ATP2B2: variants seen among roughly 807,000 people sequenced by gnomAD.
ATP2B2 encodes the protein ATPase plasma membrane Ca2+ transporting 2.
A neutral mutation model predicts 120.0 loss-of-function variants in ATP2B2; 15 were observed. That is an observed-to-expected ratio of 0.12 (90% CI 0.08 to 0.19). ATP2B2 has a LOEUF of 0.19. Among genes scored for constraint, ATP2B2 ranks in the 10% least tolerant of loss-of-function variants. The probability of loss-of-function intolerance (pLI) is 1.00; values close to 1 mark genes in which losing one functional copy is unlikely to be tolerated. For missense variants in ATP2B2, 1,045 were observed against 1,719.8 expected (o/e 0.61, Z 6.94); for synonymous variants, 694 against 700.3 (o/e 0.99, Z 0.14).
chr3:10,665,147 G>A (rs761662250), intron 1 of ATP2B2, among the ~76,000 whole-genome samples: 2 of 152,142 alleles, frequency 1.3e-5, no homozygotes, highest in Non-Finnish European at 2.9e-5. Context: ...ACCCTGCTCT[G>A]AGCCCCCTGA....
At chr3:10,609,174 C>A (rs1280321298) in intron 2 of ATP2B2, among the ~76,000 whole-genome samples, 1 of 152,234 alleles carries the variant, frequency 6.6e-6, no homozygotes, top group Non-Finnish European at 1.5e-5. Flanking sequence ...CTCTACTGCA[C>A]CCACGTCCCT....
intron 2 of ATP2B2, among the ~76,000 whole-genome samples, chr3:10,593,197 A>G (rs1319480731): frequency 2.0e-5 from 3 of 152,252 alleles, no homozygotes; most frequent in African/African-American, 7.2e-5. Context: ...AGGGAAGGTC[A>G]CCTGAAAAAT....
In ATP2B2 at chr3:10,340,824, C is replaced by T; in HGVS notation, c.2918-120G>A. 1 of 986,244 alleles carries T rather than the reference C, an allele frequency of 1.0e-6. No individual in the cohort carries two copies. Among genetic ancestry groups the T allele is most frequent in the Non-Finnish European group, 1.6e-6 (1 of 637,536 alleles). 61.1% of individuals were successfully genotyped at this position (986,244 alleles called of 1,614,324 possible). A position where few individuals can be genotyped will look rare whatever the true frequency, so the allele number is the denominator to read the frequency against. Reference sequence around the variant, plus strand: ...GACGTGAATCCCCAAGACATCAAGGCATGCTTGGACAGTGGGGGGCCAGGG... The same window carrying T: ...GACGTGAATCCCCAAGACATCAAGGTATGCTTGGACAGTGGGGGGCCAGGG... On this transcript the variant is annotated intron_variant, in intron 19 of 22. Transcript: ENST00000360273. This position sits in a 1 kb window ranked among gnomAD's most constrained non-coding sequence, Gnocchi z 5.0.
chr3:10,680,719 G>T (rs2071362474), intron 1 of ATP2B2, among the ~76,000 whole-genome samples: 1 of 152,174 alleles, frequency 6.6e-6, no homozygotes. Flanking sequence ...CCTGAGCATA[G>T]CTCCCTGGGA....
At chr3:10,407,129 C>G (rs1411719278) in intron 3 of ATP2B2, among the ~76,000 whole-genome samples, 1 of 152,158 alleles carries the variant, frequency 6.6e-6, no homozygotes, top group Middle Eastern at 3.2e-3. Context: ...GGCCACAACT[C>G]TGGGTGAGTC....
At chr3:10,610,703 C>G (rs2069210363) in intron 2 of ATP2B2, among the ~76,000 whole-genome samples, 1 of 152,210 alleles carries the variant, frequency 6.6e-6, no homozygotes, top group African/African-American at 2.4e-5. Context: ...ATCCCTCTCC[C>G]CATCTCTTTT....
chr3:10,597,338 C>T (rs1470192127), intron 2 of ATP2B2, among the ~76,000 whole-genome samples: 1 of 151,512 alleles, frequency 6.6e-6, no homozygotes, highest in Non-Finnish European at 1.5e-5. Context: ...CAGGCACACA[C>T]ACAGGCACAG....
chr3:10,472,506 G>A (rs952411167), intron 1 of ATP2B2, among the ~76,000 whole-genome samples: 8 of 152,340 alleles, frequency 5.3e-5, no homozygotes, highest in Middle Eastern at 3.4e-3. Context: ...GGGGCTGTCC[G>A]CCCTCGGATT....
At chr3:10,386,355 G>T (rs1185318511) in intron 7 of ATP2B2, 125 bp downstream of exon 7, 1 of 1,077,242 alleles carries the variant, frequency 9.3e-7, no homozygotes, top group Non-Finnish European at 1.4e-6. Flanking sequence ...GGTCTGGGGG[G>T]TGGAGCCACC....
At chr3:10,681,426 C>G (rs1429453908) in intron 1 of ATP2B2, among the ~76,000 whole-genome samples, 1 of 152,188 alleles carries the variant, frequency 6.6e-6, no homozygotes, top group African/African-American at 2.4e-5. Flanking sequence ...TTGATCCTCA[C>G]AAGCTGGAAG....
chr3:10,560,266 A>G (rs982647672), intron 2 of ATP2B2, among the ~76,000 whole-genome samples: 3 of 152,176 alleles, frequency 2.0e-5, no homozygotes, highest in Non-Finnish European at 4.4e-5. Context: ...AGAGCTCCAC[A>G]GTAGGAATGT....
At chr3:10,422,310 C>T (rs900499189) in intron 2 of ATP2B2, among the ~76,000 whole-genome samples, 3 of 152,182 alleles carry the variant, frequency 2.0e-5, no homozygotes, top group South Asian at 2.1e-4. Context: ...GCTTGTGTTG[C>T]GGGCATCTGC....
intron 1 of ATP2B2, among the ~76,000 whole-genome samples, chr3:10,472,665 A>G (rs2065061276): frequency 6.6e-6 from 1 of 152,212 alleles, no homozygotes; most frequent in Non-Finnish European, 1.5e-5. Context: ...TTCTCCCAGA[A>G]TTAATTCTCT....
intron 2 of ATP2B2, among the ~76,000 whole-genome samples, chr3:10,572,483 T>A (rs890307068): frequency 1.3e-5 from 2 of 152,262 alleles, no homozygotes; most frequent in Non-Finnish European, 1.5e-5. Flanking sequence ...ACCACACACT[T>A]ATAAATGGCT....
At chr3:10,486,354 T>TGTG (rs2065668116) in intron 1 of ATP2B2, among the ~76,000 whole-genome samples, 1 of 151,874 alleles carries the variant, frequency 6.6e-6, no homozygotes, top group Non-Finnish European at 1.5e-5. Context: ...TGTGTGTGTG[T>TGTG]GTGTGTCTCA....
intron 2 of ATP2B2, among the ~76,000 whole-genome samples, chr3:10,616,303 G>C (rs1248463897): frequency 6.6e-6 from 1 of 152,152 alleles, no homozygotes; most frequent in Non-Finnish European, 1.5e-5. Context: ...GTCTTTATAA[G>C]AAAAAATTTG....
intron 2 of ATP2B2, among the ~76,000 whole-genome samples, chr3:10,539,229 CAACAAAT>C (rs1308727673): frequency 6.6e-6 from 1 of 151,948 alleles, no homozygotes. Flanking sequence ...AAGAGGACAC[CAACAAAT>C]GGAAGAACAT....
intron 1 of ATP2B2, among the ~76,000 whole-genome samples, chr3:10,633,862 A>G (rs775819938): frequency 6.6e-6 from 1 of 152,164 alleles, no homozygotes; most frequent in African/African-American, 2.4e-5. Context: ...CATGCTGCCA[A>G]GACATAACAG....
intron 1 of ATP2B2, among the ~76,000 whole-genome samples, chr3:10,498,265 A>T (rs2125394531): frequency 6.6e-6 from 1 of 152,336 alleles, no homozygotes. Context: ...CAGGCATTGG[A>T]TGTGACCCCA....
Sources: allele counts gnomAD v4.1 joint callset (sites outside exome capture counted in the v4.1 genomes callset), GRCh38; gene constraint gnomAD v4.1.1; non-coding constraint Gnocchi (gnomAD v3.1); transcripts MANE v1.5; gene names NCBI Gene and HGNC (gene_info 2026-07-23, HGNC 2026-07-21).